The following UNC13C variants were observed in gnomAD, a reference collection of about 807,000 sequenced individuals.
UNC13C encodes the protein protein unc-13 homolog C.
Under a neutral mutation model 245.4 loss-of-function variants are expected in UNC13C, and 174 were observed. That is an observed-to-expected ratio of 0.71 (90% CI 0.63 to 0.80). UNC13C has a LOEUF of 0.80. UNC13C is among the 30% of genes least tolerant of loss of function. The pLI, the probability that UNC13C is intolerant of heterozygous loss-of-function variation, is 0.00. For synonymous variants in UNC13C, 992 were observed against 895.1 expected (o/e 1.11, Z -1.93); for missense variants, 2,829 against 2,602.9 (o/e 1.09, Z -1.89).
At chr15:54,496,875 C>T (rs1339541272) in intron 20 of UNC13C, among the ~76,000 whole-genome samples, 1 of 152,022 alleles carries the variant, frequency 6.6e-6, no homozygotes, top group Non-Finnish European at 1.5e-5. Flanking sequence ...GTAAACACTG[C>T]TTAGATAATG....
At chr15:53,922,611 A>G in the UNC13C span, among the ~76,000 whole-genome samples, 1 of 152,202 alleles carries the variant, frequency 6.6e-6, no homozygotes, top group Non-Finnish European at 1.5e-5. Flanking sequence ...CAGAAAATAA[A>G]TAACAACCCT....
chr15:54,306,845 A>C (rs1007409736), intron 13 of UNC13C, among the ~76,000 whole-genome samples: 21 of 151,988 alleles, frequency 1.4e-4, no homozygotes, highest in African/African-American at 5.1e-4. Context: ...TATCTAATTT[A>C]TATTTAAATC....
At chr15:53,935,272 A>G in the UNC13C span, among the ~76,000 whole-genome samples, 1 of 152,046 alleles carries the variant, frequency 6.6e-6, no homozygotes, top group Non-Finnish European at 1.5e-5. Context: ...AGAAACCATA[A>G]TGTATGAAGG....
intron 30 of UNC13C, among the ~76,000 whole-genome samples, chr15:54,608,679 A>T (rs948322915): frequency 1.3e-5 from 2 of 152,216 alleles, no homozygotes. Context: ...GTGTCACGAT[A>T]AAAAACAAAA....
At chr15:53,887,878 T>C in the UNC13C span, among the ~76,000 whole-genome samples, 1 of 152,214 alleles carries the variant, frequency 6.6e-6, no homozygotes. Flanking sequence ...GCAAAGGACA[T>C]GAACTCATCC....
At chr15:54,224,790 C>T (rs2035327650) in intron 4 of UNC13C, among the ~76,000 whole-genome samples, 1 of 152,106 alleles carries the variant, frequency 6.6e-6, no homozygotes, top group South Asian at 2.1e-4. Context: ...CTTTTCTATG[C>T]TCAGAGGCAC....
chr15:54,236,087 A>G (rs933408513), intron 5 of UNC13C, among the ~76,000 whole-genome samples: 1 of 152,044 alleles, frequency 6.6e-6, no homozygotes, highest in Non-Finnish European at 1.5e-5. Flanking sequence ...TTTTATGGGC[A>G]TATTTTTAAT....
chr15:53,943,118 ACTCCATT>A, the UNC13C span, among the ~76,000 whole-genome samples: 44 of 152,174 alleles, frequency 2.9e-4, no homozygotes, highest in African/African-American at 1.0e-3. Context: ...TAGAGATCTA[ACTCCATT>A]CTCCATTCCA....
At chr15:54,349,747 G>A (rs1294385067) in intron 17 of UNC13C, among the ~76,000 whole-genome samples, 1 of 152,120 alleles carries the variant, frequency 6.6e-6, no homozygotes, top group Non-Finnish European at 1.5e-5. Flanking sequence ...AGTTCACCAA[G>A]GGCATGTTTA....
At chr15:54,392,937 A>C in intron 17 of UNC13C, 111 bp from the exon 18 acceptor site, 2 of 1,290,288 alleles carry the variant, frequency 1.6e-6, no homozygotes, top group South Asian at 2.0e-5. Context: ...CCCATAATCT[A>C]AGTTTCATTT....
intron 4 of UNC13C, among the ~76,000 whole-genome samples, chr15:54,216,032 A>C (rs2140764747): frequency 6.6e-6 from 1 of 152,076 alleles, no homozygotes; most frequent in South Asian, 2.1e-4. Flanking sequence ...TTCACAACAA[A>C]TGTACATGGT....
Position 54,013,257 on chromosome 15 carries a change from A to G in UNC13C, c.354A>G (p.Gln118=), listed in dbSNP as rs1236258619. 1 of 1,613,766 alleles carries G rather than the reference A, an allele frequency of 6.2e-7. No homozygotes were observed. Among genetic ancestry groups the G allele is most frequent in the Middle Eastern group, 1.7e-4 (1 of 6,060 alleles). Residue 118 remains glutamine (Q), a synonymous_variant, in exon 2 of 33, where the codon CAA becomes CAG. Transcript: ENST00000260323. ...VTNSDNEDLL[Q]ELSSIESSYS... ...ACAGTGATAATGAGGATCTGCTTCA[A>G]GAGCTCTCTTCAATCGAGAGTTCCT...
chr15:54,281,178 A>G (rs1290244114), intron 10 of UNC13C, among the ~76,000 whole-genome samples: 1 of 152,144 alleles, frequency 6.6e-6, no homozygotes, highest in East Asian at 1.9e-4. Flanking sequence ...AACAATTATA[A>G]TAGTTTATAA....
Position 54,265,855 on chromosome 15 carries a change from A to G in UNC13C, c.3818+359A>G, listed in dbSNP as rs181220477. 3.5e-3 allele frequency among the ~76,000 whole-genome samples: 539 copies of G among 152,066 alleles called. 5 individuals are homozygous for G. Among genetic ancestry groups the G allele is most frequent in the African/African-American group, 0.012 (513 of 41,556 alleles). ...AGTATCTTGACATCTGAAGATTTATATCTAAAGCCAGTAGACTTAGAGCAT... is the reference window on the plus strand; with the variant it reads ...AGTATCTTGACATCTGAAGATTTATGTCTAAAGCCAGTAGACTTAGAGCAT... On this transcript the variant is annotated intron_variant, in intron 10 of 32. Transcript: ENST00000260323.
intron 2 of UNC13C, among the ~76,000 whole-genome samples, chr15:54,030,705 C>T (rs146648724): frequency 3.3e-4 from 50 of 152,182 alleles, no homozygotes; most frequent in Middle Eastern, 3.4e-3. Flanking sequence ...GTTTAAGTCC[C>T]GGTTCAGTTT....
chr15:54,475,414 G>T (rs12439419), intron 19 of UNC13C, among the ~76,000 whole-genome samples: 5 of 150,682 alleles, frequency 3.3e-5, no homozygotes, highest in Non-Finnish European at 5.9e-5. Flanking sequence ...CCATTAACTC[G>T]TCATTTAGCA....
the UNC13C span, among the ~76,000 whole-genome samples, chr15:53,918,734 G>A: frequency 2.8e-3 from 420 of 152,356 alleles, 1 homozygote; most frequent in African/African-American, 8.9e-3. Context: ...AAGTGGTAAA[G>A]TGAGGATTCT....
rs141503661 is a variant in UNC13C at position 54,054,159 on chromosome 15, G to A, written c.2983+38273G>A. 1.6e-3 allele frequency among the ~76,000 whole-genome samples: 237 copies of A among 152,276 alleles called. 1 individual carries two copies. The highest frequency in any genetic ancestry group is 6.8e-3 in the Middle Eastern group (2 of 294). On this transcript the variant is annotated intron_variant, in intron 2 of 32. Coordinates refer to ENST00000260323, the MANE Select transcript of UNC13C (RefSeq NM_001080534.3). ...TATACCTAGCAGGGGGATTGCTGGAGTATATCATAGCTCTATTTTTAGCTT... is the reference window on the plus strand; with the variant it reads ...TATACCTAGCAGGGGGATTGCTGGAATATATCATAGCTCTATTTTTAGCTT...
chr15:54,533,208 T>C (rs1376413933), intron 26 of UNC13C, 142 bp downstream of exon 26: 1 of 610,048 alleles, frequency 1.6e-6, no homozygotes, highest in Non-Finnish European at 2.7e-6. Flanking sequence ...GATAAATAAA[T>C]AAATTCATTA....
Sources: gnomAD v4.1 joint callset for allele counts (sites outside exome capture counted in the v4.1 genomes callset) on GRCh38, gnomAD v4.1.1 for gene constraint, MANE v1.5 for transcripts, NCBI Gene and HGNC (gene_info 2026-07-23, HGNC 2026-07-21) for gene names.